Variants in SLC48A1 observed in about 807,000 individuals in gnomAD.
SLC48A1 encodes heme transporter HRG1.
Under a neutral mutation model 14.8 loss-of-function variants are expected in SLC48A1, and 6 were observed. The ratio of observed to expected loss-of-function variants is 0.41; its 90% CI spans 0.22 to 0.80. The LOEUF (loss-of-function observed/expected upper bound fraction) is 0.80, where lower values mean the gene tolerates loss of function less well. SLC48A1 is among the 30% of genes least tolerant of loss of function. The pLI is 0.34. For missense variants in SLC48A1, 165 were observed against 204.8 expected (o/e 0.81, Z 1.19); for synonymous variants, 89 against 90.0 (o/e 0.99, Z 0.06).
chr12:47,758,058 G>A, upstream of SLC48A1: 1 of 1,569,524 alleles, frequency 6.4e-7, no homozygotes, highest in Non-Finnish European at 8.6e-7. Flanking sequence ...CCTGCCAGCA[G>A]CTCTCACCTG....
Position 47,779,193 on chromosome 12 carries a change from AGAGT to A in SLC48A1, c.304+2_304+5del. On this transcript the variant is annotated splice_donor_variant and coding_sequence_variant, in exon 2 of 3. Transcript: ENST00000442218. LOFTEE classifies it high-confidence loss of function. Reference sequence around the variant, plus strand: ...CTCGTGCTGGCCATCACCCGGCATCAGAGTGAGGGCGGGTCCCAGGGAAAGAGGG... The same window carrying A: ...CTCGTGCTGGCCATCACCCGGCATCAGAGGGCGGGTCCCAGGGAAAGAGGG... 2.6e-6 allele frequency: 4 copies of A among 1,551,004 alleles called. No homozygotes were observed. The highest frequency in any genetic ancestry group is 3.5e-6 in the Non-Finnish European group (4 of 1,146,562).
chr12:47,759,639 A>ACC (rs1284702946), intron 1 of SLC48A1, among the ~76,000 whole-genome samples: 1 of 152,206 alleles, frequency 6.6e-6, no homozygotes, highest in Non-Finnish European at 1.5e-5. Context: ...CAGGCTTGCT[A>ACC]CCGAGGCTCC....
upstream of SLC48A1, among the ~76,000 whole-genome samples, chr12:47,754,549 C>A (rs1190405292): frequency 6.6e-6 from 1 of 152,186 alleles, no homozygotes; most frequent in African/African-American, 2.4e-5. Flanking sequence ...GTTTGCAGTG[C>A]TTCGGTTTCC....
chr12:47,779,040 TG>T lies in SLC48A1; in HGVS notation c.150del (p.Trp51GlyfsTer4). The T allele has an allele frequency of 6.4e-7, 1 of 1,551,716 alleles. No homozygotes were observed. The highest frequency in any genetic ancestry group is 1.4e-5 in the African/African-American group (1 of 73,170). On this transcript the variant is annotated frameshift_variant, in exon 2 of 3. Coordinates refer to ENST00000442218, the MANE Select transcript of SLC48A1 (RefSeq NM_017842.3). LOFTEE classifies it high-confidence loss of function. ...AMGGLAGVLA[L>X]WVLVTHVMYM... The stretch of plus-strand genomic sequence containing the variant: ...GTCTCTCCTGCAGGGGTGCTGGCAC[TG>T]TGGGTCCTGGTGACGCACGTGATGT...
In SLC48A1 at chr12:47,782,469, C is replaced by T. The variant is rs1771057288; in HGVS notation, c.*2188C>T. The T allele has an allele frequency of 6.6e-6, 1 of 152,156 alleles. No homozygotes were observed. The highest frequency in any genetic ancestry group is 1.5e-5 in the Non-Finnish European group (1 of 68,068). 9.4% of individuals were successfully genotyped at this position (152,156 alleles called of 1,614,324 possible). ...CCACTCCTGCCATATCAGGGCTGGT[C>T]TCTGTGGACTCAGCCCAGGGCTGCC... On this transcript the variant is annotated 3_prime_UTR_variant, in exon 3 of 3. Transcript: ENST00000442218.
intron 1 of SLC48A1, among the ~76,000 whole-genome samples, chr12:47,760,025 C>T (rs1429297340): frequency 1.3e-5 from 2 of 152,202 alleles, no homozygotes; most frequent in African/African-American, 4.8e-5. Flanking sequence ...AGCCCCCATC[C>T]TCCACCAATT....
intron 2 of SLC48A1, among the ~76,000 whole-genome samples, chr12:47,762,992 C>T (rs1257550318): frequency 6.6e-6 from 1 of 152,172 alleles, no homozygotes; most frequent in African/African-American, 2.4e-5. Flanking sequence ...TCTTTTATCT[C>T]CCTAATACAA....
intron 1 of SLC48A1, chr12:47,758,744 T>G: frequency 3.5e-6 from 4 of 1,148,998 alleles, no homozygotes; most frequent in East Asian, 1.0e-4. Flanking sequence ...GTGGAGAGGC[T>G]CCTCTTGGGT....
At chr12:47,771,145 T>G (rs1160766582), upstream of SLC48A1, 2 of 294,040 alleles carry the variant, frequency 6.8e-6, no homozygotes, top group Non-Finnish European at 1.4e-5. Flanking sequence ...ATTTTTTTAT[T>G]TTTAAAGAAG....
chr12:47,758,532 C>T (rs763348917), upstream of SLC48A1: 1 of 1,613,768 alleles, frequency 6.2e-7, no homozygotes, highest in Non-Finnish European at 8.5e-7. Flanking sequence ...CTCCTCAACC[C>T]TGACCCCACC....
chr12:47,779,059 C>G lies in SLC48A1; in HGVS notation c.168C>G (p.His56Gln). 2 of 1,551,740 alleles carry G rather than the reference C, an allele frequency of 1.3e-6. No individual in the cohort carries two copies. The highest frequency in any genetic ancestry group is 1.7e-6 in the Non-Finnish European group (2 of 1,147,012). The change falls in exon 2 of 3, where the codon CAC (histidine) becomes CAG (glutamine). Residue 56 changes from histidine to glutamine, a missense_variant. By Grantham distance (24) the His-to-Gln change is conservative (BLOSUM62 0). Coordinates refer to ENST00000442218, the MANE Select transcript of SLC48A1 (RefSeq NM_017842.3). Reference sequence around the variant, plus strand: ...TGGCACTGTGGGTCCTGGTGACGCACGTGATGTACATGCAAGATTATTGGA... The same window carrying G: ...TGGCACTGTGGGTCCTGGTGACGCAGGTGATGTACATGCAAGATTATTGGA... Reference protein sequence around the residue: ...GVLALWVLVTHVMYMQDYWRT... With the variant: ...GVLALWVLVTQVMYMQDYWRT...
intron 2 of SLC48A1, among the ~76,000 whole-genome samples, chr12:47,765,732 A>G (rs551874728): frequency 7.0e-4 from 107 of 152,350 alleles, no homozygotes; most frequent in Middle Eastern, 3.4e-3. Context: ...AAAGCATTGC[A>G]TAAGTATTGC....
In SLC48A1 at chr12:47,773,290, C is replaced by G. The variant is rs1942667021; in HGVS notation, c.-15C>G. The G allele has an allele frequency of 7.1e-7, 1 of 1,412,820 alleles. No individual in the cohort carries two copies. Among genetic ancestry groups the G allele is most frequent in the Non-Finnish European group, 9.3e-7 (1 of 1,078,968 alleles). 87.5% of individuals were successfully genotyped at this position (1,412,820 alleles called of 1,614,324 possible). On this transcript the variant is annotated 5_prime_UTR_variant, in exon 1 of 3. Transcript: ENST00000442218. ...CGGCCGCGCTCGCCCTCGGCCCGCC[C>G]GGCGCCGCAGCCCCATGGCCCCGTC...
chr12:47,780,118 T>G (rs1592611484), intron 2 of SLC48A1, 27 bp from the exon 3 acceptor site: 1 of 1,525,376 alleles, frequency 6.6e-7, no homozygotes, highest in Non-Finnish European at 8.8e-7. Flanking sequence ...CCTGCCAAAG[T>G]CACTGTCGGT....
chr12:47,769,630 A>G (rs548760954), upstream of SLC48A1: 6 of 152,330 alleles, frequency 3.9e-5, no homozygotes, highest in South Asian at 2.1e-4. Flanking sequence ...CAATAAAAAC[A>G]ATAACAATTT....
chr12:47,780,294 G>A lies in SLC48A1; in HGVS notation c.*13G>A. 1 of 1,614,216 alleles carries A rather than the reference G, an allele frequency of 6.2e-7. No individual in the cohort carries two copies. The highest frequency in any genetic ancestry group is 8.5e-7 in the Non-Finnish European group (1 of 1,180,016). ...CAGCGATTTCTGACCCAGGGGGTGAGGTCTCTGCACCCTGGGGGGGCCTTA... is the reference window on the plus strand; with the variant it reads ...CAGCGATTTCTGACCCAGGGGGTGAAGTCTCTGCACCCTGGGGGGGCCTTA... On this transcript the variant is annotated 3_prime_UTR_variant, in exon 3 of 3. Coordinates refer to ENST00000442218, the MANE Select transcript of SLC48A1 (RefSeq NM_017842.3).
chr12:47,754,074 T>C (rs1250455331), upstream of SLC48A1: 1 of 152,180 alleles, frequency 6.6e-6, no homozygotes, highest in Non-Finnish European at 1.5e-5. Flanking sequence ...ACCCCAGAGG[T>C]AGGTATTTGT....
chr12:47,770,515 C>T (rs1265022429), upstream of SLC48A1, among the ~76,000 whole-genome samples: 8 of 152,214 alleles, frequency 5.3e-5, no homozygotes, highest in Admixed American at 6.5e-5. Flanking sequence ...TATTGAGTAT[C>T]TACCATGTGC....
chr12:47,770,244 A>G (rs553558953), upstream of SLC48A1, among the ~76,000 whole-genome samples: 2 of 152,218 alleles, frequency 1.3e-5, no homozygotes, highest in South Asian at 2.1e-4. Context: ...TTCTTGCGCA[A>G]TCTCACTTTC....
Sources: allele counts gnomAD v4.1 joint callset (sites outside exome capture counted in the v4.1 genomes callset), GRCh38; gene constraint gnomAD v4.1.1; transcripts MANE v1.5; gene names NCBI Gene and HGNC (gene_info 2026-07-23, HGNC 2026-07-21).